The following IQCE variants were observed in gnomAD, a reference collection of about 807,000 sequenced individuals.
IQCE encodes IQ domain-containing protein E.
IQCE carries 115 observed loss-of-function variants against 96.0 expected under a neutral mutation model. The ratio of observed to expected loss-of-function variants is 1.20; its 90% confidence interval spans 1.03 to 1.40. The LOEUF is 1.40. IQCE is among the 40% of genes most tolerant of loss of function. The probability of loss-of-function intolerance (pLI) is 0.00; values close to 1 mark genes in which losing one functional copy is unlikely to be tolerated. For missense variants in IQCE, 1,041 were observed against 909.1 expected (o/e 1.15, Z -1.87); for synonymous variants, 412 against 371.2 (o/e 1.11, Z -1.26).
intron 1 of IQCE, among the ~76,000 whole-genome samples, chr7:2,562,809 A>C (rs187316680): frequency 6.7e-6 from 1 of 149,702 alleles, no homozygotes; most frequent in East Asian, 2.0e-4. Context: ...CTGGTTCTGA[A>C]GGTGAAAGTT....
Position 2,598,508 on chromosome 7 carries a change from A to T in IQCE, c.1484A>T (p.Glu495Val). ...CCCACTCCCAGCAGCAGGCACTGCG[A>T]GCAAGACTGGCCGCCGGATTCCAGC... is the stretch of plus-strand genomic sequence containing the variant. ...PAPTPSSRHCEQDWPPDSSEE... is the reference protein window; with the variant it reads ...PAPTPSSRHCVQDWPPDSSEE... The change falls in exon 17 of 22, where the codon GAG (glutamate) becomes GTG (valine). Residue 495 changes from glutamate to valine, a missense_variant. By Grantham distance (121) the Glu-to-Val change is moderately radical. Transcript: ENST00000402050. 1.2e-6 allele frequency: 2 copies of T among 1,609,812 alleles called. No homozygotes were observed. Among genetic ancestry groups the T allele is most frequent in the Non-Finnish European group, 1.7e-6 (2 of 1,178,098 alleles).
At position 2,589,503 on chromosome 7, in the gene IQCE, C is replaced by T. The variant is rs558357938; in HGVS notation, c.1045-404C>T. On this transcript the variant is annotated intron_variant, in intron 13 of 21. Coordinates refer to ENST00000402050, the MANE Select transcript of IQCE (RefSeq NM_152558.5). Reference sequence around the variant, plus strand: ...GAGAGGCAGGAGTGGAGGGCGGGGACGGGCTCAGCGGCACTTTGCAGGCGA... The same window carrying T: ...GAGAGGCAGGAGTGGAGGGCGGGGATGGGCTCAGCGGCACTTTGCAGGCGA... Among the ~76,000 whole-genome samples the T allele has an allele frequency of 5.3e-5, 8 of 152,228 alleles. No homozygotes were observed. The East Asian group carries it at 1.2e-3, about 22-fold the overall frequency.
chr7:2,574,624 C>G (rs565489725), intron 6 of IQCE, among the ~76,000 whole-genome samples: 23 of 152,288 alleles, frequency 1.5e-4, no homozygotes, highest in Admixed American at 6.5e-4. Flanking sequence ...GGGGGATTAT[C>G]TCGTTTGGGA....
At chr7:2,586,627 C>A (rs986784608) in intron 12 of IQCE, among the ~76,000 whole-genome samples, 4 of 152,144 alleles carry the variant, frequency 2.6e-5, no homozygotes, top group African/African-American at 9.7e-5. Context: ...GGGTCAGATG[C>A]GTGACATGTG....
intron 2 of IQCE, 88 bp downstream of exon 2, chr7:2,567,251 C>T (rs527382521): frequency 3.1e-6 from 3 of 982,700 alleles, no homozygotes; most frequent in Admixed American, 1.9e-5. Context: ...ATAGGCCGTT[C>T]TCCACAATAC....
intron 6 of IQCE, among the ~76,000 whole-genome samples, chr7:2,577,584 C>A (rs868511927): frequency 3.7e-4 from 15 of 40,488 alleles, no homozygotes; most frequent in Admixed American, 2.4e-3. Flanking sequence ...TGCGGCGTGC[C>A]CGCATTGGCG....
chr7:2,579,802 G>T (rs1782525819), intron 8 of IQCE, among the ~76,000 whole-genome samples: 1 of 151,768 alleles, frequency 6.6e-6, no homozygotes, highest in Admixed American at 6.6e-5. Context: ...GGCGTGCAGT[G>T]GCAGGATCAT....
intron 20 of IQCE, 151 bp from the exon 21 acceptor site, chr7:2,606,973 T>A (rs1292106636): frequency 1.5e-6 from 1 of 654,590 alleles, no homozygotes; most frequent in African/African-American, 1.9e-5. Flanking sequence ...GCATATTGGG[T>A]ACAGCGCTGG....
chr7:2,601,400 G>T, intron 17 of IQCE, 41 bp from the exon 18 acceptor site: 1 of 1,326,556 alleles, frequency 7.5e-7, no homozygotes. Flanking sequence ...CATCCTTCTC[G>T]TGTTAATTCA....
intron 3 of IQCE, among the ~76,000 whole-genome samples, chr7:2,570,638 A>G (rs982304779): frequency 3.3e-5 from 5 of 152,036 alleles, no homozygotes; most frequent in Non-Finnish European, 7.4e-5. Context: ...ACTGACATAC[A>G]TTTTGCAATT....
Position 2,590,126 on chromosome 7 carries a change from C to T in IQCE, c.1244+20C>T, listed in dbSNP as rs550355677. 87 of 1,599,824 alleles carry T rather than the reference C, an allele frequency of 5.4e-5. No homozygotes were observed. The East Asian group carries it at 1.1e-3, about 20-fold the overall frequency. On this transcript the variant is annotated intron_variant, in intron 14 of 21. Transcript: ENST00000402050. ...GAGAGAGTAGGTCCTCCCAAGGCCC[C>T]GCCAGTGTCCCCACGGGCACAGGTG...
chr7:2,572,690 T>C (rs1562628806), intron 5 of IQCE: 1 of 468,832 alleles, frequency 2.1e-6, no homozygotes, highest in Non-Finnish European at 4.2e-6. Flanking sequence ...ATCAGCTTGT[T>C]TCTGTGTTTA....
In IQCE at chr7:2,614,158, C is replaced by A. The variant is rs2272287; in HGVS notation, c.*3996C>A. The A allele has an allele frequency of 0.3, 46,197 of 152,066 alleles. 7,612 individuals carry two copies. The highest frequency in any genetic ancestry group is 0.46 in the East Asian group (2,391 of 5,178). 9.4% of individuals were successfully genotyped at this position (152,066 alleles called of 1,614,324 possible). On this transcript the variant is annotated 3_prime_UTR_variant, in exon 22 of 22. Transcript: ENST00000402050. The stretch of plus-strand genomic sequence containing the variant: ...AGGCAATTGAATTAGGAAAAGATAG[C>A]CCAACCTAGCTCAGATCCACCAAGA...
At chr7:2,563,842 C>A (rs914896473) in intron 1 of IQCE, among the ~76,000 whole-genome samples, 45 of 137,930 alleles carry the variant, frequency 3.3e-4, no homozygotes, top group Non-Finnish European at 5.4e-4. Flanking sequence ...TGCAGTGAGC[C>A]GAGATTGCGC....
chr7:2,601,823 T>TA (rs1006182992), intron 18 of IQCE: 4 of 246,884 alleles, frequency 1.6e-5, no homozygotes, highest in Admixed American at 5.6e-5. Context: ...GTGCAGGAAT[T>TA]ACAGGCGTGA....
intron 15 of IQCE, among the ~76,000 whole-genome samples, chr7:2,594,557 A>C (rs369932761): frequency 2.0e-5 from 3 of 152,202 alleles, no homozygotes; most frequent in Non-Finnish European, 4.4e-5. Context: ...CTGGCCTCCT[A>C]CTTACTTATC....
At chr7:2,563,342 A>T (rs999074978) in intron 1 of IQCE, among the ~76,000 whole-genome samples, 4 of 151,192 alleles carry the variant, frequency 2.6e-5, no homozygotes, top group Non-Finnish European at 5.9e-5. Flanking sequence ...GACCACAGAC[A>T]TGTGCCATGA....
At chr7:2,600,651 T>C (rs1784372682) in intron 17 of IQCE, among the ~76,000 whole-genome samples, 1 of 152,234 alleles carries the variant, frequency 6.6e-6, no homozygotes, top group Non-Finnish European at 1.5e-5. Flanking sequence ...TATATATTTC[T>C]TTGCTTCCAT....
At chr7:2,595,008 A>G in intron 16 of IQCE, 32 bp downstream of exon 16, 1 of 1,454,298 alleles carries the variant, frequency 6.9e-7, no homozygotes, top group South Asian at 1.1e-5. Context: ...GTCTCCCGTC[A>G]GGTGCGGTGA....
Sources: allele counts gnomAD v4.1 joint callset (sites outside exome capture counted in the v4.1 genomes callset), GRCh38; gene constraint gnomAD v4.1.1; transcripts MANE v1.5; gene names NCBI Gene and HGNC (gene_info 2026-07-23, HGNC 2026-07-21).